Variants in SPTLC2 observed in about 807,000 individuals in gnomAD.
The protein encoded by SPTLC2 is serine palmitoyltransferase long chain base subunit 2.
A neutral mutation model predicts 62.0 loss-of-function variants in SPTLC2; 21 were observed. The observed-to-expected ratio is 0.34, with a 90% CI of 0.24 to 0.49. SPTLC2 has a LOEUF of 0.49. SPTLC2 is among the 20% of genes least tolerant of loss of function. The probability of loss-of-function intolerance (pLI) is 0.99; values close to 1 mark genes in which losing one functional copy is unlikely to be tolerated. For synonymous variants in SPTLC2, 261 were observed against 261.8 expected, an observed-to-expected ratio of 1.00 and a Z score of 0.03; for missense variants, 511 against 713.0, an observed-to-expected ratio of 0.72 and a Z score of 3.23.
chr14:77,608,454 T>C (rs1024572290), intron 1 of SPTLC2, among the ~76,000 whole-genome samples: 11 of 152,268 alleles, frequency 7.2e-5, no homozygotes, highest in African/African-American at 2.6e-4. Context: ...AAACTTAAGA[T>C]TTAGCTTATA....
chr14:77,614,802 C>T (rs2079956947), intron 1 of SPTLC2, among the ~76,000 whole-genome samples: 1 of 148,420 alleles, frequency 6.7e-6, no homozygotes, highest in South Asian at 2.1e-4. Flanking sequence ...GAAACCCCAT[C>T]TCTAATAAAA....
chr14:77,595,764 C>T (rs778666345), intron 2 of SPTLC2, among the ~76,000 whole-genome samples: 1 of 152,176 alleles, frequency 6.6e-6, no homozygotes, highest in Non-Finnish European at 1.5e-5. Context: ...CTCGTCTCAG[C>T]GTTGACTTTG....
intron 11 of SPTLC2, among the ~76,000 whole-genome samples, chr14:77,517,751 T>C (rs990424283): frequency 6.6e-6 from 1 of 151,884 alleles, no homozygotes; most frequent in East Asian, 1.9e-4. Flanking sequence ...GAACAACATA[T>C]GAGAAAGCTT....
intron 9 of SPTLC2, among the ~76,000 whole-genome samples, chr14:77,548,885 C>T (rs1335068713): frequency 6.6e-6 from 1 of 152,190 alleles, no homozygotes; most frequent in Admixed American, 6.5e-5. Context: ...AACATTTCTT[C>T]ACACAAAAAG....
At chr14:77,598,958 A>G (rs567955275) in intron 1 of SPTLC2, among the ~76,000 whole-genome samples, 1 of 152,170 alleles carries the variant, frequency 6.6e-6, no homozygotes, top group East Asian at 1.9e-4. Context: ...ATTATATAAA[A>G]GTAAAAAGAA....
chr14:77,602,724 G>A lies in SPTLC2; in HGVS notation c.133-5344C>T, dbSNP rs543968596. Among the ~76,000 whole-genome samples, 3 of 152,054 alleles carry A rather than the reference G, an allele frequency of 2.0e-5. No individual in the cohort carries two copies. The South Asian group carries it at 6.2e-4, about 32-fold the overall frequency. On this transcript the variant is annotated intron_variant, in intron 1 of 11. Coordinates refer to ENST00000216484, the MANE Select transcript of SPTLC2 (RefSeq NM_004863.4). ...AAGAGATTAACATAAGATAACATAA[G>A]ATTAATACAATAAATATTTACTGAT...
At chr14:77,547,256 G>C (rs2079533637) in intron 9 of SPTLC2, among the ~76,000 whole-genome samples, 1 of 151,848 alleles carries the variant, frequency 6.6e-6, no homozygotes, top group South Asian at 2.1e-4. Context: ...CCCAGCATCA[G>C]ATAAACTGCT....
At chr14:77,568,121 T>C (rs768738642) in intron 5 of SPTLC2, among the ~76,000 whole-genome samples, 18 of 152,234 alleles carry the variant, frequency 1.2e-4, no homozygotes, top group Non-Finnish European at 2.4e-4. Context: ...CATCTGAGCA[T>C]TGCTTTAGCT....
chr14:77,608,685 G>C (rs2079918160), intron 1 of SPTLC2, among the ~76,000 whole-genome samples: 1 of 152,054 alleles, frequency 6.6e-6, no homozygotes, highest in Non-Finnish European at 1.5e-5. Flanking sequence ...GAGGTAAGGT[G>C]TAAGCAGATG....
At position 77,570,560 on chromosome 14, in the gene SPTLC2, T is replaced by C. The variant is rs558607054; in HGVS notation, c.632-52A>G. On this transcript the variant is annotated intron_variant, in intron 4 of 11. Transcript: ENST00000216484. ...TATCACAAAATCCTGAATTTAAGAA[T>C]TACTCATCACTTTATTAAAAGAAAT... 1.9e-6 allele frequency: 3 copies of C among 1,606,316 alleles called. No individual in the cohort carries two copies. In the South Asian group the frequency reaches 3.3e-5, roughly 18 times the overall value.
intron 1 of SPTLC2, among the ~76,000 whole-genome samples, chr14:77,615,367 A>G (rs1244892079): frequency 6.6e-6 from 1 of 152,248 alleles, no homozygotes; most frequent in Non-Finnish European, 1.5e-5. Flanking sequence ...AGACCTATCC[A>G]TCATAACTAC....
chr14:77,561,112 T>G (rs1223796015), intron 6 of SPTLC2, among the ~76,000 whole-genome samples: 2 of 152,154 alleles, frequency 1.3e-5, no homozygotes, highest in African/African-American at 4.8e-5. Context: ...ATTCTGAGAC[T>G]GCTAGAAATT....
intron 9 of SPTLC2, among the ~76,000 whole-genome samples, chr14:77,523,871 T>C (rs1010115145): frequency 6.6e-6 from 1 of 152,038 alleles, no homozygotes; most frequent in Non-Finnish European, 1.5e-5. Context: ...CAACAAGATA[T>C]AGAAACTAGC....
intron 6 of SPTLC2, among the ~76,000 whole-genome samples, chr14:77,559,239 C>T (rs2079601800): frequency 1.3e-5 from 2 of 152,044 alleles, no homozygotes; most frequent in Non-Finnish European, 2.9e-5. Context: ...ATGAGAATCG[C>T]TTAAACCCAG....
chr14:77,613,667 G>A (rs182722976), intron 1 of SPTLC2, among the ~76,000 whole-genome samples: 34 of 152,244 alleles, frequency 2.2e-4, no homozygotes, highest in African/African-American at 7.9e-4. Flanking sequence ...AAAAGACATG[G>A]TGGGAGATGT....
At chr14:77,605,594 T>C (rs563050223) in intron 1 of SPTLC2, among the ~76,000 whole-genome samples, 66 of 152,340 alleles carry the variant, frequency 4.3e-4, no homozygotes, top group Non-Finnish European at 4.9e-4. Context: ...GTGGTACTTG[T>C]AGAGCTTTAG....
Position 77,555,532 on chromosome 14 carries a change from G to GA in SPTLC2, c.957-14dup. The GA allele has an allele frequency of 4.3e-6, 7 of 1,612,386 alleles. No individual in the cohort carries two copies. Among genetic ancestry groups the GA allele is most frequent in the Non-Finnish European group, 5.9e-6 (7 of 1,178,850 alleles). Reference sequence around the variant, plus strand: ...AGATCCCTCCATGCTGGCAAAACATGAAAAAATATATATATACACATATAC... The same window carrying GA: ...AGATCCCTCCATGCTGGCAAAACATGAAAAAAATATATATATACACATATAC... On this transcript the variant is annotated splice_polypyrimidine_tract_variant and intron_variant, in intron 7 of 11. Coordinates refer to ENST00000216484, the MANE Select transcript of SPTLC2 (RefSeq NM_004863.4).
chr14:77,542,176 G>A (rs1018399802), intron 9 of SPTLC2, among the ~76,000 whole-genome samples: 1 of 151,756 alleles, frequency 6.6e-6, no homozygotes, highest in African/African-American at 2.4e-5. Flanking sequence ...GAAAAAAAAA[G>A]TCAGTGAAGA....
rs145629888 is a variant in SPTLC2 at position 77,531,420 on chromosome 14, T to TTTCTTCTTCTTCTTCTTCTTC, written c.1304-9860_1304-9840dup. ...GTTATTTCTTCACAGGGACCATGAC[T>TTTCTTCTTCTTCTTCTTCTTC]TTCTTCTTCTTCTTCTTCTTCTTCT... On this transcript the variant is annotated intron_variant, in intron 9 of 11. Coordinates refer to ENST00000216484, the MANE Select transcript of SPTLC2 (RefSeq NM_004863.4). Among the ~76,000 whole-genome samples the TTTCTTCTTCTTCTTCTTCTTC allele has an allele frequency of 1.5e-4, 19 of 129,752 alleles. 1 individual carries two copies. Among genetic ancestry groups the TTTCTTCTTCTTCTTCTTCTTC allele is most frequent in the African/African-American group, 6.1e-4 (18 of 29,684 alleles). The allele number at this position is 129,752 out of a possible 152,430, so 85.1% of individuals were successfully genotyped here.
Sources: gnomAD v4.1 joint callset for allele counts (sites outside exome capture counted in the v4.1 genomes callset) on GRCh38, gnomAD v4.1.1 for gene constraint, MANE v1.5 for transcripts, NCBI Gene and HGNC (gene_info 2026-07-23, HGNC 2026-07-21) for gene names.